The following PHF19 variants were observed in gnomAD, a reference collection of about 807,000 sequenced individuals.
The protein encoded by PHF19 is polycomb like 3.
A neutral mutation model predicts 79.8 loss-of-function variants in PHF19; 21 were observed. The observed-to-expected ratio is 0.26, with a 90% CI of 0.19 to 0.38. The LOEUF is 0.38. PHF19 is among the 10% of genes least tolerant of loss of function. PHF19 has a pLI of 1.00. For missense variants in PHF19, 445 were observed against 744.2 expected, an observed-to-expected ratio of 0.60 and a Z score of 4.68; for synonymous variants, 273 against 296.3, an observed-to-expected ratio of 0.92 and a Z score of 0.81.
upstream of PHF19, among the ~76,000 whole-genome samples, chr9:120,897,909 G>A (rs2131607334): frequency 6.8e-6 from 1 of 146,774 alleles, no homozygotes; most frequent in South Asian, 2.1e-4. Flanking sequence ...AGCCTGGAAG[G>A]CAGAGGTTGC....
At position 120,862,129 on chromosome 9, in the gene PHF19, G is replaced by T. The variant is rs1406990794; in HGVS notation, c.1131-124C>A. 1.3e-6 allele frequency: 1 copy of T among 751,270 alleles called. No individual in the cohort carries two copies. Among genetic ancestry groups the T allele is most frequent in the Non-Finnish European group, 2.4e-6 (1 of 414,356 alleles). 46.5% of individuals were successfully genotyped at this position (751,270 alleles called of 1,614,324 possible). On this transcript the variant is annotated intron_variant, in intron 11 of 14. Transcript: ENST00000373896. The surrounding 1 kb of genome is among the most constrained non-coding windows in gnomAD (Gnocchi z 4.6). ...GGGGAGACAGGCTCTGAACACAGCT[G>T]CACCTTCACAGGGAGGCCTGGGGAG...
chr9:120,869,298 G>C lies in PHF19; in HGVS notation c.498C>G (p.Ala166=). ...CCATCTTCACGGCCTGCAGCGTCCT[G>C]GCGATGGCGCCCTTCTTCAGCGCGC... ...KGGALKKGAI[A]RTLQAVKMVL... is the part of the protein sequence containing the mutation. Residue 166 remains alanine (A), a synonymous_variant, in exon 6 of 15, where the codon GCC becomes GCG. Coordinates refer to ENST00000373896, the MANE Select transcript of PHF19 (RefSeq NM_015651.3). This position sits in a 1 kb window ranked among gnomAD's most constrained non-coding sequence, Gnocchi z 5.8. 6.2e-7 allele frequency: 1 copy of C among 1,612,954 alleles called. No individual in the cohort carries two copies. The highest frequency in any genetic ancestry group is 2.2e-5 in the East Asian group (1 of 44,866).
At chr9:120,892,361 C>T (rs963778238) in intron 1 of PHF19, among the ~76,000 whole-genome samples, 2 of 151,990 alleles carry the variant, frequency 1.3e-5, no homozygotes, top group Admixed American at 6.6e-5. Context: ...CGGTGGGGAG[C>T]GGGTACAGGA....
chr9:120,900,407 T>A, the PHF19 span, among the ~76,000 whole-genome samples: 1 of 152,252 alleles, frequency 6.6e-6, no homozygotes, highest in Non-Finnish European at 1.5e-5. Context: ...TGATTCTAAT[T>A]ACATTTTTAA....
At chr9:120,894,256 C>T (rs1333258813) in intron 1 of PHF19, among the ~76,000 whole-genome samples, 1 of 152,120 alleles carries the variant, frequency 6.6e-6, no homozygotes, top group Non-Finnish European at 1.5e-5. Context: ...TACCGCCTGG[C>T]GCTGTTCTCT....
intron 3 of PHF19, among the ~76,000 whole-genome samples, chr9:120,872,746 T>C (rs1268452068): frequency 6.6e-6 from 1 of 150,766 alleles, no homozygotes; most frequent in African/African-American, 2.4e-5. Flanking sequence ...AGTGCAGTGG[T>C]GTGATCTCAG....
At chr9:120,877,203 C>CCGGGGT (rs1355836300), upstream of PHF19, 1 of 976,638 alleles carries the variant, frequency 1.0e-6, no homozygotes, top group Non-Finnish European at 1.2e-6. Flanking sequence ...GCCCGTGGGG[C>CCGGGGT]CGGGGTCGGG....
In PHF19 at chr9:120,877,154, G is replaced by A. The variant is rs2046087302; in HGVS notation, c.-79C>T. 21 of 984,856 alleles carry A rather than the reference G, an allele frequency of 2.1e-5. No individual in the cohort carries two copies. The highest frequency in any genetic ancestry group is 2.5e-5 in the Non-Finnish European group (21 of 829,730). 61.0% of individuals were successfully genotyped at this position (984,856 alleles called of 1,614,324 possible). A position where few individuals can be genotyped will look rare whatever the true frequency, so the allele number is the denominator to read the frequency against. Reference sequence around the variant, plus strand: ...GCCACCAGGCGCATCGGTGGCGGAGGCGGCTGCGCTCGGCCCGCGGCTGCC... The same window carrying A: ...GCCACCAGGCGCATCGGTGGCGGAGACGGCTGCGCTCGGCCCGCGGCTGCC... On this transcript the variant is annotated 5_prime_UTR_variant, in exon 1 of 15. Transcript: ENST00000373896.
At position 120,862,689 on chromosome 9, in the gene PHF19, G is replaced by A; in HGVS notation, c.1029C>T (p.Val343=). 2 of 1,614,206 alleles carry A rather than the reference G, an allele frequency of 1.2e-6. No homozygotes were observed. The highest frequency in any genetic ancestry group is 1.7e-6 in the Non-Finnish European group (2 of 1,180,018). ...KKCIFRLRIR[V]PPNPPGKLLP... Reference sequence around the variant, plus strand: ...GCAGCTTCCCTGGCGGGTTGGGTGGGACGCGGATGCGCAGGCGGAAGATGC... The same window carrying A: ...GCAGCTTCCCTGGCGGGTTGGGTGGAACGCGGATGCGCAGGCGGAAGATGC... The change falls in exon 11 of 15, where the codon GTC becomes GTT. Residue 343 remains valine, a synonymous_variant. Transcript: ENST00000373896. This position sits in a 1 kb window ranked among gnomAD's most constrained non-coding sequence, Gnocchi z 4.6.
intron 1 of PHF19, among the ~76,000 whole-genome samples, chr9:120,884,371 G>A (rs748292994): frequency 2.0e-5 from 3 of 152,190 alleles, no homozygotes; most frequent in Non-Finnish European, 4.4e-5. Context: ...GCGTGAGGTG[G>A]ATGAGCTCCT....
chr9:120,883,960 T>C (rs1386262582), intron 1 of PHF19, among the ~76,000 whole-genome samples: 3 of 152,140 alleles, frequency 2.0e-5, no homozygotes, highest in Non-Finnish European at 4.4e-5. Flanking sequence ...CTAAGCTTTG[T>C]TTCTCCCTCA....
chr9:120,877,709 C>G (rs968831694), upstream of PHF19, among the ~76,000 whole-genome samples: 1 of 152,232 alleles, frequency 6.6e-6, no homozygotes, highest in African/African-American at 2.4e-5. Context: ...CTTGCACTAA[C>G]AGCACAGGCG....
At chr9:120,889,912 AC>A (rs1407985243) in intron 1 of PHF19, among the ~76,000 whole-genome samples, 1 of 152,194 alleles carries the variant, frequency 6.6e-6, no homozygotes, top group Non-Finnish European at 1.5e-5. Flanking sequence ...CTGGACTTGG[AC>A]TTAGAATCTG....
At chr9:120,881,674 GT>G (rs2046187464), upstream of PHF19, among the ~76,000 whole-genome samples, 1 of 152,140 alleles carries the variant, frequency 6.6e-6, no homozygotes, top group African/African-American at 2.4e-5. Flanking sequence ...AGCAGAGGAG[GT>G]TTTGATGATA....
upstream of PHF19, among the ~76,000 whole-genome samples, chr9:120,877,585 G>A (rs560213769): frequency 6.6e-6 from 1 of 152,242 alleles, no homozygotes; most frequent in South Asian, 2.1e-4. Context: ...ACTTGTTGAG[G>A]AAACACAGCT....
chr9:120,889,767 GAGAA>G (rs1407082886), intron 1 of PHF19, among the ~76,000 whole-genome samples: 2 of 147,222 alleles, frequency 1.4e-5, no homozygotes, highest in Non-Finnish European at 3.0e-5. Flanking sequence ...GAGAGAGAGA[GAGAA>G]AGAAAGAAAA....
rs1239536267 is a variant in PHF19 at position 120,857,601 on chromosome 9, G to A, written c.*343C>T. 4.1e-6 allele frequency: 1 copy of A among 241,108 alleles called. No individual in the cohort carries two copies. Among genetic ancestry groups the A allele is most frequent in the African/African-American group, 2.2e-5 (1 of 44,710 alleles). The allele number at this position is 241,108 out of a possible 1,614,324, so 14.9% of individuals were successfully genotyped here. On this transcript the variant is annotated 3_prime_UTR_variant, in exon 15 of 15. Coordinates refer to ENST00000373896, the MANE Select transcript of PHF19 (RefSeq NM_015651.3). ...AACACACCCAGAAAGGGGCGAGAGA[G>A]GTCAAGGCACACAACTGGGGACAAA...
At chr9:120,886,652 C>T (rs2046267720) in intron 1 of PHF19, among the ~76,000 whole-genome samples, 1 of 152,246 alleles carries the variant, frequency 6.6e-6, no homozygotes, top group Admixed American at 6.5e-5. Flanking sequence ...GTGTTTCCCA[C>T]TCCAACGGCT....
At chr9:120,879,297 A>G (rs543773729), upstream of PHF19, among the ~76,000 whole-genome samples, 6 of 152,342 alleles carry the variant, frequency 3.9e-5, no homozygotes, top group East Asian at 5.8e-4. Flanking sequence ...ACACAGGTGG[A>G]TGGGAGACAC....
Sources: gnomAD v4.1 joint callset for allele counts (sites outside exome capture counted in the v4.1 genomes callset) on GRCh38, gnomAD v4.1.1 for gene constraint, Gnocchi (gnomAD v3.1) non-coding constraint, MANE v1.5 for transcripts, NCBI Gene and HGNC (gene_info 2026-07-23, HGNC 2026-07-21) for gene names.